The following UBE2F variants were observed in gnomAD, a reference collection of about 807,000 sequenced individuals.
UBE2F encodes NEDD8-conjugating enzyme UBE2F.
A neutral mutation model predicts 29.6 loss-of-function variants in UBE2F; 5 were observed. The observed-to-expected ratio is 0.17, with a 90% confidence interval of 0.09 to 0.36. UBE2F has a LOEUF of 0.36. UBE2F is among the 10% of genes least tolerant of loss of function. The pLI is 1.00. For missense variants in UBE2F, 141 were observed against 228.5 expected, an observed-to-expected ratio of 0.62 and a Z score of 2.47; for synonymous variants, 66 against 81.8, an observed-to-expected ratio of 0.81 and a Z score of 1.04.
intron 9 of UBE2F, among the ~76,000 whole-genome samples, chr2:238,039,840 T>G (rs1183249527): frequency 1.3e-5 from 2 of 152,104 alleles, no homozygotes; most frequent in Non-Finnish European, 2.9e-5. Flanking sequence ...CTCCAGAACA[T>G]GGAGAGGCAG....
At position 237,967,425 on chromosome 2, in the gene UBE2F, C is replaced by T. The variant is rs1287519657; in HGVS notation, c.-17+293C>T. ...CGCGGCGGCGGCGGCGGGGGACGGC[C>T]CGCGCCGAGCACCTGGTGTGAACCA... On this transcript the variant is annotated intron_variant, in intron 1 of 9. Coordinates refer to ENST00000272930, the MANE Select transcript of UBE2F (RefSeq NM_080678.3). This position sits in a 1 kb window ranked among gnomAD's most constrained non-coding sequence, Gnocchi z 6.3. Among the ~76,000 whole-genome samples, 4 of 151,636 alleles carry T rather than the reference C, an allele frequency of 2.6e-5. No homozygotes were observed. The highest frequency in any genetic ancestry group is 2.6e-4 in the Admixed American group (4 of 15,210).
chr2:237,987,884 A>G (rs2063513224), intron 2 of UBE2F, 79 bp from the exon 3 acceptor site: 3 of 725,708 alleles, frequency 4.1e-6, no homozygotes, highest in African/African-American at 2.0e-5. Context: ...AGTGTTCTAG[A>G]GGAAATTGCC....
At chr2:238,022,700 C>CAGTT (rs1481615624) in intron 5 of UBE2F, among the ~76,000 whole-genome samples, 3 of 152,084 alleles carry the variant, frequency 2.0e-5, no homozygotes, top group Non-Finnish European at 4.4e-5. Context: ...CCAAATAACC[C>CAGTT]AGTTCTCTGT....
At chr2:237,993,704 C>A (rs1004655977) in intron 3 of UBE2F, among the ~76,000 whole-genome samples, 17 of 151,968 alleles carry the variant, frequency 1.1e-4, no homozygotes, top group Admixed American at 1.1e-3. Flanking sequence ...CAGAGTGAGA[C>A]CCTGTCTAAA....
chr2:238,032,091 T>C, intron 7 of UBE2F, 131 bp from the exon 8 acceptor site: 3 of 679,920 alleles, frequency 4.4e-6, no homozygotes, highest in Non-Finnish European at 7.7e-6. Context: ...TTTAATTTTC[T>C]ATCTTGAGAA....
At chr2:237,970,167 C>G (rs940818904) in intron 1 of UBE2F, among the ~76,000 whole-genome samples, 1 of 152,058 alleles carries the variant, frequency 6.6e-6, no homozygotes, top group Non-Finnish European at 1.5e-5. Context: ...GAATTCAAGA[C>G]CAGCCCGGGT....
intron 4 of UBE2F, among the ~76,000 whole-genome samples, chr2:238,015,657 A>T (rs949479049): frequency 2.6e-5 from 4 of 152,202 alleles, no homozygotes; most frequent in Admixed American, 1.3e-4. Flanking sequence ...TCATATAAAA[A>T]TTTGAGGAAA....
chr2:238,020,384 A>G (rs549500371), intron 5 of UBE2F, among the ~76,000 whole-genome samples: 15 of 152,322 alleles, frequency 9.8e-5, no homozygotes, highest in African/African-American at 3.4e-4. Context: ...GTGTGAGGGC[A>G]CACTCTGAGG....
intron 4 of UBE2F, among the ~76,000 whole-genome samples, chr2:237,997,648 A>G (rs564373401): frequency 5.3e-5 from 8 of 152,370 alleles, no homozygotes; most frequent in African/African-American, 1.9e-4. Flanking sequence ...ACTAATATCT[A>G]TGATCTGGGG....
At chr2:238,036,488 AT>A (rs570624057) in intron 9 of UBE2F, among the ~76,000 whole-genome samples, 14 of 150,124 alleles carry the variant, frequency 9.3e-5, no homozygotes, top group African/African-American at 1.5e-4. Flanking sequence ...CCGAGAAGTG[AT>A]TTTTTTTTTA....
At chr2:237,989,698 G>C (rs1354673742) in intron 3 of UBE2F, among the ~76,000 whole-genome samples, 18 of 152,162 alleles carry the variant, frequency 1.2e-4, no homozygotes, top group Admixed American at 1.1e-3. Flanking sequence ...GGTATCGTGA[G>C]TTGTGATATA....
intron 2 of UBE2F, chr2:237,973,708 T>C (rs1014146828): frequency 5.4e-6 from 7 of 1,297,868 alleles, no homozygotes; most frequent in African/African-American, 1.5e-5. Flanking sequence ...TAATAACATA[T>C]AGTGTTCTAG....
intron 9 of UBE2F, among the ~76,000 whole-genome samples, chr2:238,038,374 G>A (rs1024419212): frequency 5.9e-5 from 9 of 152,218 alleles, no homozygotes; most frequent in Non-Finnish European, 8.8e-5. Flanking sequence ...CCTGCCATCC[G>A]TCGGTGGTCC....
At chr2:237,987,614 A>G (rs1000961626) in intron 2 of UBE2F, among the ~76,000 whole-genome samples, 9 of 152,230 alleles carry the variant, frequency 5.9e-5, no homozygotes, top group African/African-American at 2.2e-4. Context: ...CAAGGTGCAT[A>G]TAGATCAGGT....
At chr2:238,020,966 C>A (rs1429270827) in intron 5 of UBE2F, among the ~76,000 whole-genome samples, 1 of 152,156 alleles carries the variant, frequency 6.6e-6, no homozygotes, top group Non-Finnish European at 1.5e-5. Flanking sequence ...GGTGGGGACG[C>A]CCAGAGGAGG....
intron 9 of UBE2F, among the ~76,000 whole-genome samples, chr2:238,037,546 G>A (rs1235060095): frequency 2.0e-5 from 3 of 152,246 alleles, no homozygotes; most frequent in African/African-American, 7.2e-5. Context: ...TCCGTTTTCT[G>A]AACCAGATTC....
intron 4 of UBE2F, among the ~76,000 whole-genome samples, chr2:238,007,139 C>T (rs1375155220): frequency 4.0e-5 from 6 of 151,800 alleles, no homozygotes; most frequent in African/African-American, 9.7e-5. Flanking sequence ...TCTGTTTTTT[C>T]GAGACAGAGT....
At position 238,038,077 on chromosome 2, in the gene UBE2F, A is replaced by G. The variant is rs145342127; in HGVS notation, c.507+2137A>G. Among the ~76,000 whole-genome samples, 280 of 152,326 alleles carry G rather than the reference A, an allele frequency of 1.8e-3. 1 individual carries two copies. The highest frequency in any genetic ancestry group is 6.3e-3 in the African/African-American group (264 of 41,586). On this transcript the variant is annotated intron_variant, in intron 9 of 9. Coordinates refer to ENST00000272930, the MANE Select transcript of UBE2F (RefSeq NM_080678.3). Reference sequence around the variant, plus strand: ...TGAGCTCAGGAGGTGCTGCCTGACCATGGCCCCAAAGAGTGGGCAGGAGCA... The same window carrying G: ...TGAGCTCAGGAGGTGCTGCCTGACCGTGGCCCCAAAGAGTGGGCAGGAGCA...
chr2:238,022,522 GT>G (rs397827558), intron 5 of UBE2F, among the ~76,000 whole-genome samples: 2 of 152,000 alleles, frequency 1.3e-5, no homozygotes, highest in East Asian at 1.9e-4. Flanking sequence ...TACAAGTTTG[GT>G]TTTTTTGTTT....
Sources: allele counts gnomAD v4.1 joint callset (sites outside exome capture counted in the v4.1 genomes callset), GRCh38; gene constraint gnomAD v4.1.1; non-coding constraint Gnocchi (gnomAD v3.1); transcripts MANE v1.5; gene names NCBI Gene and HGNC (gene_info 2026-07-23, HGNC 2026-07-21).